LIN7A: variants seen among roughly 807,000 people sequenced by gnomAD.
The protein encoded by LIN7A is protein lin-7 homolog A.
A neutral mutation model predicts 29.8 loss-of-function variants in LIN7A; 25 were observed. The ratio of observed to expected loss-of-function variants is 0.84; its 90% CI spans 0.61 to 1.17. The LOEUF (loss-of-function observed/expected upper bound fraction) is 1.17. Among genes scored for constraint, LIN7A ranks in the 50% most tolerant of loss-of-function variants. The pLI is 0.00. For missense variants in LIN7A, 239 were observed against 287.0 expected, an observed-to-expected ratio of 0.83 and a Z score of 1.21; for synonymous variants, 118 against 107.5, an observed-to-expected ratio of 1.10 and a Z score of -0.60.
intron 4 of LIN7A, among the ~76,000 whole-genome samples, chr12:80,831,497 C>A (rs1404916735): frequency 6.6e-6 from 1 of 152,124 alleles, no homozygotes; most frequent in Non-Finnish European, 1.5e-5. Flanking sequence ...CTAAAAGTTG[C>A]ACATAATTAT....
Position 80,869,618 on chromosome 12 carries a change from T to A in LIN7A, c.201+19633A>T, listed in dbSNP as rs180897978. ...TACTTAATTTAAAAACTGTTGGGAA[T>A]CATTTCATGGAATAACATGTATTTT... On this transcript the variant is annotated intron_variant, in intron 2 of 5. Transcript: ENST00000552864. 3.3e-5 allele frequency among the ~76,000 whole-genome samples: 5 copies of A among 152,270 alleles called. No individual in the cohort carries two copies. In the East Asian group the frequency reaches 9.6e-4, roughly 29 times the overall value.
At chr12:80,841,962 C>T (rs1164961800) in intron 4 of LIN7A, 25 of 1,153,676 alleles carry the variant, frequency 2.2e-5, no homozygotes, top group Non-Finnish European at 2.6e-5. Context: ...AGTAGCCATA[C>T]ACCAAAGGCC....
intron 2 of LIN7A, among the ~76,000 whole-genome samples, chr12:80,877,841 A>T (rs1325030865): frequency 6.6e-6 from 1 of 152,100 alleles, no homozygotes; most frequent in South Asian, 2.1e-4. Flanking sequence ...CAAGCAAGAA[A>T]AGGTTAAATG....
intron 1 of LIN7A, chr12:80,935,774 G>GCTA: frequency 2.0e-6 from 1 of 511,472 alleles, no homozygotes; most frequent in South Asian, 1.4e-5. Flanking sequence ...TGTCTCCTGA[G>GCTA]CTACTGCATG....
intron 1 of LIN7A, among the ~76,000 whole-genome samples, chr12:80,928,726 G>A (rs1877735405): frequency 6.6e-6 from 1 of 152,066 alleles, no homozygotes; most frequent in African/African-American, 2.4e-5. Context: ...TTTGGCTTTT[G>A]TTGCCATTTG....
chr12:80,920,586 C>T (rs1172830930), intron 1 of LIN7A, among the ~76,000 whole-genome samples: 2 of 152,184 alleles, frequency 1.3e-5, no homozygotes, highest in African/African-American at 4.8e-5. Flanking sequence ...AACGTTAGAT[C>T]ATTAAAGTAT....
At chr12:80,897,273 C>T (rs1416764836) in intron 1 of LIN7A, among the ~76,000 whole-genome samples, 2 of 152,030 alleles carry the variant, frequency 1.3e-5, no homozygotes, top group Non-Finnish European at 2.9e-5. Context: ...ATTTTTACCT[C>T]ACTTTTGTAT....
intron 1 of LIN7A, among the ~76,000 whole-genome samples, chr12:80,899,837 C>G (rs1592935523): frequency 7.1e-6 from 1 of 140,576 alleles, no homozygotes; most frequent in Admixed American, 7.7e-5. Context: ...GGCGCGATCT[C>G]CACTCACTGC....
intron 4 of LIN7A, among the ~76,000 whole-genome samples, chr12:80,812,530 G>C (rs180936121): frequency 6.8e-5 from 10 of 146,852 alleles, no homozygotes; most frequent in Middle Eastern, 3.6e-3. Context: ...AGTGCAAAAG[G>C]GTTTTTTTTC....
intron 1 of LIN7A, among the ~76,000 whole-genome samples, chr12:80,912,521 C>T (rs1876806850): frequency 6.6e-6 from 1 of 151,830 alleles, no homozygotes; most frequent in African/African-American, 2.4e-5. Context: ...TTGAGACCAG[C>T]CTGGCCAACA....
At chr12:80,819,954 T>G (rs1010811973) in intron 4 of LIN7A, among the ~76,000 whole-genome samples, 1 of 152,210 alleles carries the variant, frequency 6.6e-6, no homozygotes, top group Non-Finnish European at 1.5e-5. Context: ...ATTTGGGAAG[T>G]AAAAGTTTAC....
At chr12:80,851,781 G>A (rs996282301) in intron 2 of LIN7A, among the ~76,000 whole-genome samples, 1 of 152,080 alleles carries the variant, frequency 6.6e-6, no homozygotes, top group Non-Finnish European at 1.5e-5. Context: ...CATTTCATTG[G>A]TAAAATGGGT....
rs565821326 is a variant in LIN7A at position 80,886,273 on chromosome 12, A to C, written c.201+2978T>G. Among the ~76,000 whole-genome samples the C allele has an allele frequency of 9.9e-5, 15 of 152,068 alleles. No homozygotes were observed. The South Asian group carries it at 2.3e-3, about 23-fold the overall frequency. ...GAAGAGGAAGTATTCTAGGCTCACT[A>C]TAATGCAACTTCGAGACATTTATTA... On this transcript the variant is annotated intron_variant, in intron 2 of 5. Transcript: ENST00000552864.
At chr12:80,844,993 C>T (rs545441355) in intron 4 of LIN7A, among the ~76,000 whole-genome samples, 8 of 152,158 alleles carry the variant, frequency 5.3e-5, no homozygotes, top group East Asian at 1.9e-4. Context: ...AATCCCAGCA[C>T]TTTGGGAGGC....
chr12:80,813,159 T>C (rs2400838), intron 4 of LIN7A, among the ~76,000 whole-genome samples: 134,131 of 151,742 alleles, frequency 0.88, 59,453 homozygotes, highest in African/African-American at 0.95. Flanking sequence ...TACAGGTGCC[T>C]GCCACCACGC....
chr12:80,929,769 G>A (rs1343208867), intron 1 of LIN7A, among the ~76,000 whole-genome samples: 2 of 151,612 alleles, frequency 1.3e-5, no homozygotes, highest in African/African-American at 2.4e-5. Flanking sequence ...TATATATATG[G>A]GCCAAGAGGC....
rs1870435141 is a variant in LIN7A, at chr12:80,796,083, T to C, written c.*1644A>G. Reference sequence around the variant, plus strand: ...GACAATACTATCACCCAACAGGGCATAATAAAATGTGCTGGGTAGTTTTGA... The same window carrying C: ...GACAATACTATCACCCAACAGGGCACAATAAAATGTGCTGGGTAGTTTTGA... On this transcript the variant is annotated 3_prime_UTR_variant, in exon 6 of 6. Transcript: ENST00000552864. 6.6e-6 allele frequency: 1 copy of C among 152,198 alleles called. No homozygotes were observed. Among genetic ancestry groups the C allele is most frequent in the African/African-American group, 2.4e-5 (1 of 41,470 alleles). 9.4% of individuals were successfully genotyped at this position (152,198 alleles called of 1,614,324 possible).
chr12:80,874,841 G>A (rs948101308), intron 2 of LIN7A, among the ~76,000 whole-genome samples: 4 of 152,036 alleles, frequency 2.6e-5, no homozygotes, highest in African/African-American at 9.7e-5. Flanking sequence ...AAAATTAGCC[G>A]GGCATTGTGG....
intron 2 of LIN7A, among the ~76,000 whole-genome samples, chr12:80,856,926 C>T (rs1873630620): frequency 6.6e-6 from 1 of 152,212 alleles, no homozygotes; most frequent in African/African-American, 2.4e-5. Context: ...TTAAAAACTT[C>T]CTGCCCATTG....
Sources: allele counts gnomAD v4.1 joint callset (sites outside exome capture counted in the v4.1 genomes callset), GRCh38; gene constraint gnomAD v4.1.1; transcripts MANE v1.5; gene names NCBI Gene and HGNC (gene_info 2026-07-23, HGNC 2026-07-21).